The following ATRAID variants were observed in gnomAD, a reference collection of about 807,000 sequenced individuals.
ATRAID encodes all-trans retinoic acid-induced differentiation factor.
In ATRAID, 26 loss-of-function variants were observed where a neutral mutation model predicts 28.8. The ratio of observed to expected loss-of-function variants is 0.90; its 90% CI spans 0.66 to 1.25. ATRAID has a LOEUF of 1.25. ATRAID is among the 50% of genes most tolerant of loss of function. The pLI is 0.00. For missense variants in ATRAID, 308 were observed against 285.9 expected (o/e 1.08, Z -0.56); for synonymous variants, 131 against 108.5 (o/e 1.21, Z -1.29).
In ATRAID at chr2:27,212,274, G is replaced by A; in HGVS notation, c.-95G>A. ...AGCCCCAGGGCGACTGGACCGGGCC[G>A]CTTAGGCCACGCCCGGGGAAGAGGG... is the stretch of plus-strand genomic sequence containing the variant. On this transcript the variant is annotated 5_prime_UTR_variant, in exon 1 of 7. Coordinates refer to ENST00000380171, the MANE Select transcript of ATRAID (RefSeq NM_001170795.4). 1 of 1,555,208 alleles carries A rather than the reference G, an allele frequency of 6.4e-7. No individual in the cohort carries two copies. Among genetic ancestry groups the A allele is most frequent in the Non-Finnish European group, 8.7e-7 (1 of 1,149,722 alleles).
At position 27,216,891 on chromosome 2, in the gene ATRAID, T is replaced by A; in HGVS notation, c.633T>A (p.Thr211=). 6.2e-7 allele frequency: 1 copy of A among 1,614,192 alleles called. No individual in the cohort carries two copies. The highest frequency in any genetic ancestry group is 1.1e-5 in the South Asian group (1 of 91,084). Residue 211 remains threonine (T), a synonymous_variant, in exon 7 of 7, where the codon ACT becomes ACA. Transcript: ENST00000380171. ...TCTTCGGGATTCTGGGAGCCACCACTCTATCCGTCTCCATTCTGCTTTGGG... is the reference window on the plus strand; with the variant it reads ...TCTTCGGGATTCTGGGAGCCACCACACTATCCGTCTCCATTCTGCTTTGGG... The part of the protein sequence containing the change: ...LMFFGILGAT[T]LSVSILLWAT...
In ATRAID at chr2:27,213,279, C is replaced by A; in HGVS notation, c.202C>A (p.Gln68Lys). 6.2e-7 allele frequency: 1 copy of A among 1,614,140 alleles called. No individual in the cohort carries two copies. Among genetic ancestry groups the A allele is most frequent in the Non-Finnish European group, 8.5e-7 (1 of 1,179,996 alleles). ...LMLHARCCLN[Q>K]KGTILGLDLQ... ...GCTGCATGCCCGTTGCTGCCTGAAT[C>A]AGAAGGGCACCATCTTGGGGTGAGG... The change falls in exon 2 of 7, where the codon CAG (glutamine) becomes AAG (lysine). Residue 68 changes from glutamine (Q) to lysine (K), a missense_variant. Gln to Lys is a moderately conservative substitution (Grantham distance 53). Coordinates refer to ENST00000380171, the MANE Select transcript of ATRAID (RefSeq NM_001170795.4).
chr2:27,212,585 G>C, intron 1 of ATRAID, 118 bp downstream of exon 1: 1 of 1,459,034 alleles, frequency 6.9e-7, no homozygotes, highest in Non-Finnish European at 9.0e-7. Context: ...CGTCCCTGAC[G>C]CTTCCCGACC....
intron 2 of ATRAID, among the ~76,000 whole-genome samples, chr2:27,213,831 C>T (rs1391037664): frequency 6.6e-6 from 1 of 152,236 alleles, no homozygotes; most frequent in African/African-American, 2.4e-5. Flanking sequence ...GGCCTCTCTC[C>T]ATACCTGAAA....
Position 27,216,981 on chromosome 2 carries a change from A to G in ATRAID, c.*33A>G, listed in dbSNP as rs749469888. The G allele has an allele frequency of 2.0e-5, 31 of 1,536,176 alleles. No homozygotes were observed. Among genetic ancestry groups the G allele is most frequent in the Admixed American group, 1.6e-4 (9 of 57,034 alleles). On this transcript the variant is annotated 3_prime_UTR_variant, in exon 7 of 7. Coordinates refer to ENST00000380171, the MANE Select transcript of ATRAID (RefSeq NM_001170795.4). ...AGGTCTTACCATTGACCTAAGATCA[A>G]TCTGAACTATCTTAGCCCAGTCAGG...
At chr2:27,212,778 A>G in intron 1 of ATRAID, 1 of 710,754 alleles carries the variant, frequency 1.4e-6, no homozygotes, top group East Asian at 3.9e-5. Flanking sequence ...AACGCCATAT[A>G]TCGTGCGGTG....
intron 5 of ATRAID, 36 bp downstream of exon 5, chr2:27,215,789 C>CT: frequency 6.2e-7 from 1 of 1,605,608 alleles, no homozygotes; most frequent in Non-Finnish European, 8.5e-7. Flanking sequence ...TGGGAATTGT[C>CT]TTTTCTCCCT....
In ATRAID at chr2:27,217,065, G is replaced by A. The variant is rs1300029472; in HGVS notation, c.*117G>A. The A allele has an allele frequency of 2.4e-6, 2 of 822,828 alleles. No individual in the cohort carries two copies. Among genetic ancestry groups the A allele is most frequent in the East Asian group, 2.6e-5 (1 of 38,608 alleles). 51.0% of individuals were successfully genotyped at this position (822,828 alleles called of 1,614,324 possible). On this transcript the variant is annotated 3_prime_UTR_variant, in exon 7 of 7. Coordinates refer to ENST00000380171, the MANE Select transcript of ATRAID (RefSeq NM_001170795.4). ...GTGGATTCGCCTCAAGGTTGAGGCCGCCATTGGAAGATGAAAAATTGCACT... is the reference window on the plus strand; with the variant it reads ...GTGGATTCGCCTCAAGGTTGAGGCCACCATTGGAAGATGAAAAATTGCACT...
intron 5 of ATRAID, chr2:27,216,314 C>T: frequency 3.6e-6 from 2 of 557,686 alleles, no homozygotes; most frequent in Non-Finnish European, 6.4e-6. Context: ...TTCAGACCAT[C>T]TGGATGTATA....
chr2:27,215,703 A>G lies in ATRAID; in HGVS notation c.437A>G (p.Asn146Ser). 3 of 1,614,212 alleles carry G rather than the reference A, an allele frequency of 1.9e-6. No homozygotes were observed. Among genetic ancestry groups the G allele is most frequent in the Non-Finnish European group, 2.5e-6 (3 of 1,180,050 alleles). Residue 146 changes from asparagine to serine, a missense_variant, in exon 5 of 7, where the codon AAC becomes AGC. Coordinates refer to ENST00000380171, the MANE Select transcript of ATRAID (RefSeq NM_001170795.4). ...AATACTATCACCTCTTATATAGACAACCAAATCTGTCAAGGGCAAAAGAAC... is the reference window on the plus strand; with the variant it reads ...AATACTATCACCTCTTATATAGACAGCCAAATCTGTCAAGGGCAAAAGAAC... ...AWNTITSYID[N>S]QICQGQKNLC...
At chr2:27,215,413 C>T (rs533951569) in intron 3 of ATRAID, 21 bp downstream of exon 3, 4 of 1,614,106 alleles carry the variant, frequency 2.5e-6, no homozygotes, top group Admixed American at 1.7e-5. Flanking sequence ...AGGTACCTCC[C>T]ACCCAAAAGG....
chr2:27,212,132 C>T lies in ATRAID; in HGVS notation c.-237C>T. The T allele has an allele frequency of 1.3e-6, 2 of 1,506,038 alleles. No homozygotes were observed. Among genetic ancestry groups the T allele is most frequent in the Non-Finnish European group, 1.8e-6 (2 of 1,132,134 alleles). 93.3% of individuals were successfully genotyped at this position (1,506,038 alleles called of 1,614,324 possible). Reference sequence around the variant, plus strand: ...TCGGCTCCGGGAAGCCGCGCGGCGACGGGGGAGGCCTTCACTAAAGGGGAA... The same window carrying T: ...TCGGCTCCGGGAAGCCGCGCGGCGATGGGGGAGGCCTTCACTAAAGGGGAA... On this transcript the variant is annotated 5_prime_UTR_variant, in exon 1 of 7. In the 5' UTR this introduces an upstream ATG that the reference lacks. Transcript: ENST00000380171.
intron 2 of ATRAID, 160 bp downstream of exon 2, chr2:27,213,458 C>G (rs1021544538): frequency 2.2e-6 from 2 of 910,208 alleles, no homozygotes; most frequent in African/African-American, 3.4e-5. Flanking sequence ...CTTTTTTAAC[C>G]TTTCCACACT....
Position 27,212,409 on chromosome 2 carries a change from C to G in ATRAID, c.41C>G (p.Pro14Arg). The change falls in exon 1 of 7, where the codon CCC becomes CGC. Residue 14 changes from proline (P) to arginine (R), a missense_variant. Physicochemically the swap from Pro to Arg is moderately radical, Grantham distance 103. Coordinates refer to ENST00000380171, the MANE Select transcript of ATRAID (RefSeq NM_001170795.4). ...CCGGGTAGTCTTACGACCCTGGTGC[C>G]CTGGGCTGCCGCCCTGCTCCTCGCT... ...HDPGSLTTLV[P>R]WAAALLLALG... 6.4e-7 allele frequency: 1 copy of G among 1,552,518 alleles called. No individual in the cohort carries two copies. The highest frequency in any genetic ancestry group is 8.7e-7 in the Non-Finnish European group (1 of 1,148,244).
intron 2 of ATRAID, 45 bp downstream of exon 2, chr2:27,213,343 A>G (rs1205829628): frequency 6.3e-7 from 1 of 1,589,402 alleles, no homozygotes; most frequent in East Asian, 2.3e-5. Flanking sequence ...GCCATTCCTT[A>G]GCCTGGCTGC....
intron 6 of ATRAID, 67 bp downstream of exon 6, chr2:27,216,687 A>G: frequency 6.7e-7 from 1 of 1,503,506 alleles, no homozygotes; most frequent in Non-Finnish European, 9.2e-7. Flanking sequence ...CAGAAAGGAG[A>G]GCCACAAGAC....
Position 27,215,614 on chromosome 2 carries a change from G to A in ATRAID, c.366-18G>A. On this transcript the variant is annotated intron_variant, in intron 4 of 6. Transcript: ENST00000380171. ...TGAGTTTAGCAACTTTGCATGTTAT[G>A]ACCACATTTCTCTATAGGATACTGC... The A allele has an allele frequency of 6.2e-7, 1 of 1,614,132 alleles. No individual in the cohort carries two copies. The highest frequency in any genetic ancestry group is 8.5e-7 in the Non-Finnish European group (1 of 1,180,032).
chr2:27,212,981 G>C (rs866556534), intron 1 of ATRAID, 196 bp from the exon 2 acceptor site: 1 of 647,374 alleles, frequency 1.5e-6, no homozygotes, highest in African/African-American at 1.8e-5. Flanking sequence ...AGCTGATTCG[G>C]CGCAGGACTC....
At position 27,212,105 on chromosome 2, in the gene ATRAID, A is replaced by C; in HGVS notation, c.-264A>C. The C allele has an allele frequency of 6.8e-7, 1 of 1,464,890 alleles. No individual in the cohort carries two copies. The highest frequency in any genetic ancestry group is 2.7e-5 in the East Asian group (1 of 37,484). The allele number at this position is 1,464,890 out of a possible 1,614,324, so 90.7% of individuals were successfully genotyped here. Reference sequence around the variant, plus strand: ...GGAACACCGGGCTGAGGGAGTCTGCAGTCGGCTCCGGGAAGCCGCGCGGCG... The same window carrying C: ...GGAACACCGGGCTGAGGGAGTCTGCCGTCGGCTCCGGGAAGCCGCGCGGCG... On this transcript the variant is annotated 5_prime_UTR_variant, in exon 1 of 7. Transcript: ENST00000380171.
Sources: gnomAD v4.1 joint callset for allele counts (sites outside exome capture counted in the v4.1 genomes callset) on GRCh38, gnomAD v4.1.1 for gene constraint, MANE v1.5 for transcripts, NCBI Gene and HGNC (gene_info 2026-07-23, HGNC 2026-07-21) for gene names.